HEMK2: variants seen among roughly 807,000 people sequenced by gnomAD.
The protein encoded by HEMK2 is HemK methyltransferase 2, ETF1 glutamine and histone H4 lysine.
chr21:28,806,163 C>T, the HEMK2 span, among the ~76,000 whole-genome samples: 1 of 152,210 alleles, frequency 6.6e-6, no homozygotes, highest in Non-Finnish European at 1.5e-5. Context: ...AGTGCCCCCA[C>T]ATGACTGCCT....
At chr21:28,784,443 G>C in the HEMK2 span, among the ~76,000 whole-genome samples, 1 of 150,340 alleles carries the variant, frequency 6.7e-6, no homozygotes, top group Admixed American at 6.7e-5. Flanking sequence ...GGGACTTGGA[G>C]AACTTTTGTG....
At chr21:28,840,483 T>C in the HEMK2 span, among the ~76,000 whole-genome samples, 2 of 151,958 alleles carry the variant, frequency 1.3e-5, no homozygotes, top group South Asian at 4.1e-4. Flanking sequence ...AGGACTAATA[T>C]CCAGAATCTA....
the HEMK2 span, among the ~76,000 whole-genome samples, chr21:28,879,314 C>T: frequency 3.3e-5 from 5 of 152,116 alleles, no homozygotes; most frequent in African/African-American, 9.7e-5. Context: ...TTGATCTCAG[C>T]TCACTGCAAG....
chr21:28,591,107 C>T, the HEMK2 span, among the ~76,000 whole-genome samples: 1,455 of 152,240 alleles, frequency 9.6e-3, 26 homozygotes, highest in African/African-American at 0.033. Context: ...TTTGGCTGAT[C>T]CTCCAGCTGA....
At chr21:28,876,854 G>C in the HEMK2 span, among the ~76,000 whole-genome samples, 1 of 151,986 alleles carries the variant, frequency 6.6e-6, no homozygotes, top group Non-Finnish European at 1.5e-5. Context: ...AGCCAATGAA[G>C]GTGTGGACAA....
At chr21:28,580,743 C>T in the HEMK2 span, among the ~76,000 whole-genome samples, 5 of 152,254 alleles carry the variant, frequency 3.3e-5, no homozygotes, top group African/African-American at 1.2e-4. Context: ...TCCTCCCCAA[C>T]CTGGATAGCT....
At chr21:28,851,132 G>A in the HEMK2 span, among the ~76,000 whole-genome samples, 1 of 152,166 alleles carries the variant, frequency 6.6e-6, no homozygotes, top group Non-Finnish European at 1.5e-5. Context: ...CCAAAGCCCA[G>A]TAACAGGCCA....
chr21:28,596,310 G>A, the HEMK2 span, among the ~76,000 whole-genome samples: 2,751 of 152,106 alleles, frequency 0.018, 108 homozygotes, highest in African/African-American at 0.063. Context: ...AAGCCACCGC[G>A]CCCAACCCAA....
At chr21:28,610,112 G>A in the HEMK2 span, among the ~76,000 whole-genome samples, 81,306 of 151,974 alleles carry the variant, frequency 0.53, 23,795 homozygotes, top group East Asian at 0.85. Context: ...TCATCAGGTT[G>A]TTTATAGTCA....
chr21:28,872,901 G>C, the HEMK2 span: 1 of 152,158 alleles, frequency 6.6e-6, no homozygotes, highest in African/African-American at 2.4e-5. Context: ...GAGTCCCCCA[G>C]TTCAAATGCA....
the HEMK2 span, among the ~76,000 whole-genome samples, chr21:28,710,707 T>C: frequency 6.6e-6 from 1 of 152,160 alleles, no homozygotes; most frequent in Non-Finnish European, 1.5e-5. Flanking sequence ...ATGAAATATA[T>C]GGAGGATGGA....
At chr21:28,815,848 T>C in the HEMK2 span, among the ~76,000 whole-genome samples, 1 of 152,098 alleles carries the variant, frequency 6.6e-6, no homozygotes, top group Non-Finnish European at 1.5e-5. Flanking sequence ...ATACATATAG[T>C]TGTTATGGAC....
chr21:28,831,455 A>AAAGAAAGAAAAG, the HEMK2 span, among the ~76,000 whole-genome samples: 2 of 56,968 alleles, frequency 3.5e-5, no homozygotes, highest in African/African-American at 2.0e-4. Context: ...AAAAAGAAAG[A>AAAGAAAGAAAAG]AAAGAACGAA....
At chr21:28,761,264 G>A in the HEMK2 span, among the ~76,000 whole-genome samples, 5 of 151,666 alleles carry the variant, frequency 3.3e-5, no homozygotes, top group East Asian at 3.9e-4. Context: ...ACAATTCAGC[G>A]AAAAAAATAT....
At chr21:28,816,272 T>C in the HEMK2 span, among the ~76,000 whole-genome samples, 4 of 151,952 alleles carry the variant, frequency 2.6e-5, no homozygotes, top group Non-Finnish European at 4.4e-5. Flanking sequence ...GAATATTAAC[T>C]ACCAGGAAAA....
chr21:28,852,462 T>C, the HEMK2 span, among the ~76,000 whole-genome samples: 2 of 152,182 alleles, frequency 1.3e-5, no homozygotes, highest in African/African-American at 4.8e-5. Context: ...ACATTTTGTG[T>C]CCCCTGGAGT....
chr21:28,780,081 T>C, the HEMK2 span, among the ~76,000 whole-genome samples: 1 of 152,134 alleles, frequency 6.6e-6, no homozygotes, highest in Non-Finnish European at 1.5e-5. Context: ...GGATTCCCAT[T>C]GCAAACACTA....
the HEMK2 span, among the ~76,000 whole-genome samples, chr21:28,683,111 A>C: frequency 6.7e-6 from 1 of 150,290 alleles, no homozygotes; most frequent in Non-Finnish European, 1.5e-5. Context: ...ATATTTCTAT[A>C]TTATATTTAT....
At chr21:28,734,922 G>T in the HEMK2 span, among the ~76,000 whole-genome samples, 1 of 152,160 alleles carries the variant, frequency 6.6e-6, no homozygotes, top group Non-Finnish European at 1.5e-5. Flanking sequence ...AGTCAGAGTA[G>T]GATAAACTGT....
Sources: gnomAD v4.1 joint callset for allele counts (sites outside exome capture counted in the v4.1 genomes callset) on GRCh38, gnomAD v4.1.1 for gene constraint, MANE v1.5 for transcripts, NCBI Gene and HGNC (gene_info 2026-07-23, HGNC 2026-07-21) for gene names.